The following U2SURP variants were observed in gnomAD, a reference collection of about 807,000 sequenced individuals.
The protein encoded by U2SURP is U2 snRNP-associated SURP motif-containing protein.
In U2SURP, 9 loss-of-function variants were observed where a neutral mutation model predicts 144.9. That is an observed-to-expected ratio of 0.06 (90% CI 0.04 to 0.11). U2SURP has a LOEUF of 0.11. Ranked by LOEUF, U2SURP falls within the 10% of genes least tolerant of loss-of-function variation. The probability of loss-of-function intolerance (pLI) is 1.00; values close to 1 mark genes in which losing one functional copy is unlikely to be tolerated. For missense variants in U2SURP, 724 were observed against 1,226.7 expected (o/e 0.59, Z 6.12); for synonymous variants, 408 against 396.8 (o/e 1.03, Z -0.33).
At chr3:143,021,145 C>T (rs1936607030) in intron 8 of U2SURP, among the ~76,000 whole-genome samples, 2 of 152,056 alleles carry the variant, frequency 1.3e-5, no homozygotes, top group Admixed American at 1.3e-4. Flanking sequence ...GAGCCGAGAA[C>T]GTGCCATTGC....
intron 23 of U2SURP, among the ~76,000 whole-genome samples, chr3:143,039,753 A>T (rs1028014724): frequency 6.6e-6 from 1 of 151,818 alleles, no homozygotes; most frequent in Non-Finnish European, 1.5e-5. Context: ...CAATATGGGC[A>T]TTTGTGTGGA....
In U2SURP at chr3:143,045,366, CAAAAAA is replaced by C. The variant is rs11356372; in HGVS notation, c.2544+2108_2544+2113del. Among the ~76,000 whole-genome samples the C allele has an allele frequency of 4.8e-3, 361 of 75,418 alleles. 6 individuals carry two copies. The highest frequency in any genetic ancestry group is 0.018 in the African/African-American group (349 of 19,340). The allele number at this position is 75,418 out of a possible 152,430, so 49.5% of individuals were successfully genotyped here. On this transcript the variant is annotated intron_variant, in intron 24 of 27. Coordinates refer to ENST00000473835, the MANE Select transcript of U2SURP (RefSeq NM_001080415.2). ...CCTGGGCGACAGAGTGAGACGCCGT[CAAAAAA>C]AAAAAAAAAAAAAAAAAGAGCACTC... is the stretch of plus-strand genomic sequence containing the variant.
chr3:143,012,927 A>G (rs1936189630), intron 3 of U2SURP, among the ~76,000 whole-genome samples: 1 of 152,164 alleles, frequency 6.6e-6, no homozygotes, highest in South Asian at 2.1e-4. Context: ...ATCACCAGCC[A>G]GTATTAACCA....
At chr3:143,026,109 TGAG>T (rs1276969339) in intron 13 of U2SURP, 1 of 152,086 alleles carries the variant, frequency 6.6e-6, no homozygotes, top group Non-Finnish European at 1.5e-5. Flanking sequence ...ACTGGTGAAA[TGAG>T]GAATCAAAAG....
chr3:143,046,169 TAAA>T (rs1934424740), intron 24 of U2SURP, among the ~76,000 whole-genome samples: 3 of 150,550 alleles, frequency 2.0e-5, no homozygotes, highest in African/African-American at 2.4e-5. Flanking sequence ...ATGGAATAAA[TAAA>T]AACCAAATGA....
chr3:143,041,636 C>G (rs572779963), intron 23 of U2SURP, among the ~76,000 whole-genome samples: 9 of 152,022 alleles, frequency 5.9e-5, no homozygotes, highest in African/African-American at 2.2e-4. Context: ...ATTTTTCTCT[C>G]ATACAATGAA....
intron 16 of U2SURP, among the ~76,000 whole-genome samples, chr3:143,030,896 A>T (rs576266291): frequency 3.5e-4 from 54 of 152,280 alleles, no homozygotes; most frequent in Middle Eastern, 3.4e-3. Context: ...AAAGAAATTT[A>T]AAAAAATCTT....
rs116721884 is a variant in U2SURP at position 143,024,335 on chromosome 3, G to A, written c.1274+317G>A. The A allele has an allele frequency of 3.7e-3, 1,373 of 370,162 alleles. 25 individuals are homozygous for A. The highest frequency in any genetic ancestry group is 0.027 in the African/African-American group (1,298 of 47,788). 22.9% of individuals were successfully genotyped at this position (370,162 alleles called of 1,614,324 possible). ...GGAAAATAGATGTTTTAAGTGTGTC[G>A]TAAATTTCAGATAACGTTACAGTTT... On this transcript the variant is annotated intron_variant, in intron 13 of 27. Transcript: ENST00000473835.
At position 143,014,421 on chromosome 3, in the gene U2SURP, A is replaced by C; in HGVS notation, c.321+12A>C. On this transcript the variant is annotated intron_variant, in intron 4 of 27. Transcript: ENST00000473835. ...AATTAAAGAAAAAGGTAATGTTGAAAATGTATTTTGAATTATCCTTGGAAA... is the reference window on the plus strand; with the variant it reads ...AATTAAAGAAAAAGGTAATGTTGAACATGTATTTTGAATTATCCTTGGAAA... The C allele has an allele frequency of 6.4e-7, 1 of 1,556,844 alleles. No homozygotes were observed.
intron 18 of U2SURP, 102 bp downstream of exon 18, chr3:143,033,452 TAC>T: frequency 1.6e-6 from 1 of 615,636 alleles, no homozygotes; most frequent in Middle Eastern, 4.3e-4. Context: ...GAATAAGAAG[TAC>T]AGTCAGCCCT....
intron 25 of U2SURP, among the ~76,000 whole-genome samples, chr3:143,052,610 T>G (rs1934944647): frequency 6.6e-6 from 1 of 152,218 alleles, no homozygotes; most frequent in Non-Finnish European, 1.5e-5. Flanking sequence ...CTTAGGTATT[T>G]TGTAGGGTGG....
At chr3:143,033,762 C>T (rs766893614) in intron 18 of U2SURP, among the ~76,000 whole-genome samples, 27 of 152,028 alleles carry the variant, frequency 1.8e-4, no homozygotes, top group Admixed American at 3.9e-4. Context: ...AACCAGTCCC[C>T]CCATGGATAC....
rs1273060533 is a variant in U2SURP at position 143,051,112 on chromosome 3, T to C, written c.2655+63T>C. 3 of 958,812 alleles carry C rather than the reference T, an allele frequency of 3.1e-6. No individual in the cohort carries two copies. In the Admixed American group the frequency reaches 7.3e-5, roughly 23 times the overall value. 59.4% of individuals were successfully genotyped at this position (958,812 alleles called of 1,614,324 possible). ...AAGTTATTTATTTGACTTCCTAGAA[T>C]ACTGGTATACCTAAAGATGATTTCA... is the stretch of plus-strand genomic sequence containing the variant. On this transcript the variant is annotated intron_variant, in intron 25 of 27. Coordinates refer to ENST00000473835, the MANE Select transcript of U2SURP (RefSeq NM_001080415.2).
chr3:143,015,268 T>A (rs1936309119), intron 4 of U2SURP, among the ~76,000 whole-genome samples: 1 of 152,130 alleles, frequency 6.6e-6, no homozygotes, highest in Non-Finnish European at 1.5e-5. Flanking sequence ...TGCTCATATC[T>A]GAACCATTTT....
intron 1 of U2SURP, among the ~76,000 whole-genome samples, chr3:143,008,519 G>A (rs940208001): frequency 2.0e-5 from 3 of 152,220 alleles, no homozygotes; most frequent in Admixed American, 6.5e-5. Context: ...TATTAAATAT[G>A]TAAAGAAATT....
intron 1 of U2SURP, 69 bp downstream of exon 1, chr3:143,001,742 G>A: frequency 6.3e-7 from 1 of 1,595,000 alleles, no homozygotes; most frequent in Non-Finnish European, 8.6e-7. Flanking sequence ...AGACGCTTCT[G>A]GCCTGTGAGA....
chr3:143,010,908 C>A (rs780476561), intron 2 of U2SURP, 49 bp downstream of exon 2: 12 of 1,411,344 alleles, frequency 8.5e-6, no homozygotes, highest in Non-Finnish European at 1.2e-5. Context: ...AATTTAACTT[C>A]TCCTCATATG....
chr3:143,052,917 A>G (rs1295877255), intron 25 of U2SURP, among the ~76,000 whole-genome samples: 4 of 147,910 alleles, frequency 2.7e-5, no homozygotes, highest in South Asian at 4.3e-4. Context: ...GAGAAGTGGC[A>G]GTTGTAGCAT....
rs1245145014 is a variant in U2SURP, at chr3:143,060,026, T to A, written c.*3576T>A. On this transcript the variant is annotated 3_prime_UTR_variant, in exon 28 of 28. Transcript: ENST00000473835. The stretch of plus-strand genomic sequence containing the variant: ...GTGATGCTAGACTAAAAGGTGGGAA[T>A]GTGCTGCTGTTCCGTGAGCCTTGTT... 6.6e-6 allele frequency: 1 copy of A among 152,466 alleles called. No homozygotes were observed. The highest frequency in any genetic ancestry group is 2.4e-5 in the African/African-American group (1 of 41,446). The allele number at this position is 152,466 out of a possible 1,614,324, so 9.4% of individuals were successfully genotyped here.
Sources: gnomAD v4.1 joint callset for allele counts (sites outside exome capture counted in the v4.1 genomes callset) on GRCh38, gnomAD v4.1.1 for gene constraint, MANE v1.5 for transcripts, NCBI Gene and HGNC (gene_info 2026-07-23, HGNC 2026-07-21) for gene names.